KATNIP: variants seen among roughly 807,000 people sequenced by gnomAD.
KATNIP encodes katanin-interacting protein.
Under a neutral mutation model 174.0 loss-of-function variants are expected in KATNIP, and 126 were observed. The ratio of observed to expected loss-of-function variants is 0.72; its 90% CI spans 0.63 to 0.84. The LOEUF (loss-of-function observed/expected upper bound fraction) is 0.84. Among genes scored for constraint, KATNIP ranks in the 40% least tolerant of loss-of-function variants. The probability of loss-of-function intolerance (pLI) is 0.00; values close to 1 mark genes in which losing one functional copy is unlikely to be tolerated. For synonymous variants in KATNIP, 810 were observed against 835.7 expected (o/e 0.97, Z 0.53); for missense variants, 1,958 against 2,109.7 (o/e 0.93, Z 1.41).
At chr16:27,612,212 T>C (rs1434802523) in intron 2 of KATNIP, among the ~76,000 whole-genome samples, 1 of 152,184 alleles carries the variant, frequency 6.6e-6, no homozygotes, top group Admixed American at 6.5e-5. Flanking sequence ...CACTTAACCC[T>C]GTGAGGGAAA....
intron 20 of KATNIP, among the ~76,000 whole-genome samples, chr16:27,767,041 G>A (rs896049915): frequency 6.6e-5 from 10 of 152,108 alleles, no homozygotes; most frequent in Non-Finnish European, 1.2e-4. Flanking sequence ...ACTCAGCCTC[G>A]GTGGGAATGA....
intron 2 of KATNIP, among the ~76,000 whole-genome samples, chr16:27,611,476 A>G (rs1458012509): frequency 6.6e-6 from 1 of 152,214 alleles, no homozygotes; most frequent in African/African-American, 2.4e-5. Flanking sequence ...TGCTAAGTCA[A>G]CCTTAGCAAT....
intron 10 of KATNIP, 76 bp downstream of exon 10, chr16:27,699,675 T>A: frequency 1.2e-6 from 2 of 1,600,610 alleles, no homozygotes; most frequent in South Asian, 2.2e-5. Context: ...CAGAGATGAA[T>A]GACAAAGCCC....
At chr16:27,743,708 G>A (rs542874932) in intron 15 of KATNIP, among the ~76,000 whole-genome samples, 35 of 152,304 alleles carry the variant, frequency 2.3e-4, no homozygotes, top group African/African-American at 7.7e-4. Flanking sequence ...CAGATAAAGG[G>A]AACATGAGAT....
intron 14 of KATNIP, among the ~76,000 whole-genome samples, chr16:27,734,373 G>A (rs981490048): frequency 1.4e-5 from 2 of 146,168 alleles, no homozygotes; most frequent in South Asian, 2.2e-4. Context: ...GAGCCACTGC[G>A]CCTGGCCCAT....
intron 13 of KATNIP, among the ~76,000 whole-genome samples, chr16:27,720,131 C>T (rs934436898): frequency 1.3e-5 from 2 of 152,198 alleles, no homozygotes; most frequent in South Asian, 2.1e-4. Flanking sequence ...TTCCTGGAGA[C>T]GGAGTTTGGA....
At chr16:27,551,116 G>A (rs1376677094) in intron 1 of KATNIP, among the ~76,000 whole-genome samples, 1 of 152,186 alleles carries the variant, frequency 6.6e-6, no homozygotes, top group Non-Finnish European at 1.5e-5. Context: ...TAGAGTCATG[G>A]TATTGACAAT....
intron 3 of KATNIP, among the ~76,000 whole-genome samples, chr16:27,624,011 G>A (rs1596972528): frequency 6.6e-6 from 1 of 152,082 alleles, no homozygotes; most frequent in African/African-American, 2.4e-5. Flanking sequence ...GACTAAAGAT[G>A]CCGGCACCTC....
chr16:27,771,568 G>C lies in KATNIP; in HGVS notation c.4134-20G>C. The C allele has an allele frequency of 2.5e-6, 4 of 1,611,304 alleles. No individual in the cohort carries two copies. Among genetic ancestry groups the C allele is most frequent in the Non-Finnish European group, 3.4e-6 (4 of 1,178,368 alleles). ...GGGCCGTCGTGAGCTTCTTCATGGT[G>C]CTGTTTTGTGCTTTTTCAGGCTGGA... On this transcript the variant is annotated intron_variant, in intron 21 of 27. Transcript: ENST00000261588.
intron 13 of KATNIP, among the ~76,000 whole-genome samples, chr16:27,718,021 A>G (rs2080035976): frequency 6.6e-6 from 1 of 152,006 alleles, no homozygotes; most frequent in Non-Finnish European, 1.5e-5. Flanking sequence ...TCACTCTCCC[A>G]TTGATATTTT....
chr16:27,708,058 C>A (rs992403812), intron 12 of KATNIP, among the ~76,000 whole-genome samples: 1 of 151,438 alleles, frequency 6.6e-6, no homozygotes, highest in Non-Finnish European at 1.5e-5. Context: ...GGTCTTTCAC[C>A]CAGGCTGGAA....
chr16:27,702,264 A>T (rs2079130012), intron 11 of KATNIP, among the ~76,000 whole-genome samples: 1 of 152,164 alleles, frequency 6.6e-6, no homozygotes, highest in African/African-American at 2.4e-5. Flanking sequence ...ACAGGGTGTT[A>T]AACTTGTTCC....
At chr16:27,571,898 A>C (rs747114931) in intron 1 of KATNIP, among the ~76,000 whole-genome samples, 7 of 152,348 alleles carry the variant, frequency 4.6e-5, no homozygotes, top group Non-Finnish European at 7.3e-5. Context: ...GGAGCTGCTC[A>C]TTCTAGCTCC....
chr16:27,670,590 C>T (rs1029707081), intron 6 of KATNIP, among the ~76,000 whole-genome samples: 8 of 152,284 alleles, frequency 5.3e-5, no homozygotes, highest in African/African-American at 1.9e-4. Flanking sequence ...TAGACAGATG[C>T]TCCTCCGTTG....
At chr16:27,594,662 AGGCTGGTCTTGAACACCT>A (rs796653058) in intron 2 of KATNIP, among the ~76,000 whole-genome samples, 10 of 152,208 alleles carry the variant, frequency 6.6e-5, no homozygotes, top group African/African-American at 2.4e-4. Flanking sequence ...TGTCTTGCCT[AGGCTGGTCTTGAACACCT>A]GGCCTCAAGC....
At chr16:27,551,350 C>T (rs981208103) in intron 1 of KATNIP, among the ~76,000 whole-genome samples, 1 of 152,084 alleles carries the variant, frequency 6.6e-6, no homozygotes, top group Non-Finnish European at 1.5e-5. Flanking sequence ...CTGTCATATG[C>T]TTAAAATATA....
chr16:27,726,823 C>G (rs1343927428), intron 14 of KATNIP, among the ~76,000 whole-genome samples: 1 of 152,140 alleles, frequency 6.6e-6, no homozygotes, highest in Non-Finnish European at 1.5e-5. Context: ...AAAGGCCCTG[C>G]GGCAGGAGTT....
At chr16:27,669,982 C>T (rs1440897348) in intron 6 of KATNIP, among the ~76,000 whole-genome samples, 5 of 152,106 alleles carry the variant, frequency 3.3e-5, no homozygotes, top group Non-Finnish European at 7.3e-5. Context: ...GCCACTGCGC[C>T]TGGCCTATAT....
At chr16:27,673,237 A>G (rs2077984322) in intron 6 of KATNIP, among the ~76,000 whole-genome samples, 1 of 152,224 alleles carries the variant, frequency 6.6e-6, no homozygotes, top group Non-Finnish European at 1.5e-5. Context: ...CTGAGCATCA[A>G]AGGAGAGAAA....
Sources: gnomAD v4.1 joint callset for allele counts (sites outside exome capture counted in the v4.1 genomes callset) on GRCh38, gnomAD v4.1.1 for gene constraint, MANE v1.5 for transcripts, NCBI Gene and HGNC (gene_info 2026-07-23, HGNC 2026-07-21) for gene names.